ADAMTSL1: variants seen among roughly 807,000 people sequenced by gnomAD.
ADAMTSL1 encodes ADAMTS like 1, also known as ADAMTS-like protein 1.
In ADAMTSL1, 126 loss-of-function variants were observed where a neutral mutation model predicts 201.8. That is an observed-to-expected ratio of 0.62 (90% confidence interval 0.54 to 0.72). The LOEUF is 0.72. Ranked by LOEUF, ADAMTSL1 falls within the 30% of genes least tolerant of loss-of-function variation. The pLI, the probability that ADAMTSL1 is intolerant of heterozygous loss-of-function variation, is 0.00. For missense variants in ADAMTSL1, 2,679 were observed against 2,277.8 expected (o/e 1.18, Z -3.59); for synonymous variants, 1,121 against 903.4 (o/e 1.24, Z -4.32).
chr9:18,234,230 A>G (rs1249227517), intron 2 of ADAMTSL1, among the ~76,000 whole-genome samples: 1 of 152,148 alleles, frequency 6.6e-6, no homozygotes, highest in Non-Finnish European at 1.5e-5. Flanking sequence ...GGGCTGGGGA[A>G]GCCTAGGAGC....
chr9:18,314,004 T>TA (rs1491582160), intron 2 of ADAMTSL1, among the ~76,000 whole-genome samples: 4 of 151,644 alleles, frequency 2.6e-5, no homozygotes, highest in South Asian at 4.2e-4. Context: ...ATGACCCAAC[T>TA]AAAAAAAATG....
At position 18,152,701 on chromosome 9, in the gene ADAMTSL1, G is replaced by A. The variant is rs777151933; in HGVS notation, c.88-11161G>A. ...GGTGATGACTGAGGGCCAGTGGGTG[G>A]AAGACGAGCCTTGGTGAGCTTGGAG... On this transcript the variant is annotated intron_variant, in intron 1 of 29. Transcript: ENST00000680146. Among the ~76,000 whole-genome samples the A allele has an allele frequency of 3.9e-4, 59 of 152,066 alleles. No homozygotes were observed. The Middle Eastern group carries it at 0.01, about 26-fold the overall frequency.
rs754970661 is a variant in ADAMTSL1, at chr9:18,657,757, G to A, written c.946+7G>A. 13 of 1,606,482 alleles carry A rather than the reference G, an allele frequency of 8.1e-6. No homozygotes were observed. Among genetic ancestry groups the A allele is most frequent in the East Asian group, 2.2e-5 (1 of 44,838 alleles). Reference sequence around the variant, plus strand: ...TCAGCAACCTGTGGAGGAGGTAATGGTGTTCACTTAGTCTAAAAACTGTTG... The same window carrying A: ...TCAGCAACCTGTGGAGGAGGTAATGATGTTCACTTAGTCTAAAAACTGTTG... On this transcript the variant is annotated splice_region_variant and intron_variant, in intron 8 of 28. Coordinates refer to ENST00000380548, the MANE Select transcript of ADAMTSL1 (RefSeq NM_001040272.6).
intron 19 of ADAMTSL1, among the ~76,000 whole-genome samples, chr9:18,782,936 TA>T (rs1176472036): frequency 6.6e-6 from 1 of 152,134 alleles, no homozygotes; most frequent in Non-Finnish European, 1.5e-5. Context: ...GTTGTGAGGG[TA>T]ACTGGAGACC....
At chr9:18,207,842 C>T (rs1169309224) in intron 2 of ADAMTSL1, among the ~76,000 whole-genome samples, 1 of 151,794 alleles carries the variant, frequency 6.6e-6, no homozygotes, top group Non-Finnish European at 1.5e-5. Flanking sequence ...AATTATTGCA[C>T]AATTTAGTCC....
At chr9:18,814,663 T>G (rs1245015797) in intron 20 of ADAMTSL1, among the ~76,000 whole-genome samples, 1 of 152,116 alleles carries the variant, frequency 6.6e-6, no homozygotes, top group Non-Finnish European at 1.5e-5. Context: ...TGTTCTCACC[T>G]ATAACTGGGA....
intron 4 of ADAMTSL1, among the ~76,000 whole-genome samples, chr9:18,618,198 T>A (rs1200361152): frequency 6.6e-6 from 1 of 152,216 alleles, no homozygotes. Flanking sequence ...ATTTATGGTA[T>A]GTCTGTTTCT....
At chr9:18,181,533 A>C (rs1249034169) in intron 2 of ADAMTSL1, among the ~76,000 whole-genome samples, 2 of 152,046 alleles carry the variant, frequency 1.3e-5, no homozygotes, top group Admixed American at 6.6e-5. Context: ...AACACATGAA[A>C]AAATGCTCAC....
chr9:18,561,668 T>A (rs938064978), intron 3 of ADAMTSL1, among the ~76,000 whole-genome samples: 3 of 152,230 alleles, frequency 2.0e-5, no homozygotes, highest in African/African-American at 7.2e-5. Context: ...ATTCTAAGTC[T>A]CTTTTAGGTC....
intron 2 of ADAMTSL1, among the ~76,000 whole-genome samples, chr9:18,455,972 A>C (rs546398338): frequency 6.6e-6 from 1 of 152,176 alleles, no homozygotes; most frequent in African/African-American, 2.4e-5. Context: ...CTCTGACTAA[A>C]AGCCCTCCCA....
chr9:18,279,052 T>C (rs573435724), intron 2 of ADAMTSL1, among the ~76,000 whole-genome samples: 2 of 152,322 alleles, frequency 1.3e-5, no homozygotes, highest in South Asian at 4.1e-4. Context: ...TTGAATGTCT[T>C]CTTTTGTTTA....
chr9:18,307,051 A>G (rs1297768031), intron 2 of ADAMTSL1, among the ~76,000 whole-genome samples: 2 of 152,178 alleles, frequency 1.3e-5, no homozygotes, highest in Non-Finnish European at 2.9e-5. Flanking sequence ...AACATTCGTA[A>G]AGAAAAGAAT....
intron 2 of ADAMTSL1, among the ~76,000 whole-genome samples, chr9:18,330,969 G>A (rs748771027): frequency 6.6e-6 from 1 of 152,220 alleles, no homozygotes; most frequent in Non-Finnish European, 1.5e-5. Flanking sequence ...AGGAAGAGAA[G>A]TGAAGATAAA....
intron 3 of ADAMTSL1, among the ~76,000 whole-genome samples, chr9:18,538,485 G>A (rs1001068197): frequency 3.9e-5 from 6 of 152,040 alleles, no homozygotes; most frequent in African/African-American, 1.4e-4. Flanking sequence ...TTCTTAAGAA[G>A]TATCATATCT....
intron 1 of ADAMTSL1, among the ~76,000 whole-genome samples, chr9:18,013,881 A>G (rs537445071): frequency 2.6e-5 from 4 of 152,104 alleles, no homozygotes; most frequent in African/African-American, 9.6e-5. Context: ...TTCCATATAA[A>G]AAGTGGTTAA....
chr9:18,068,551 G>T (rs1424491764), intron 1 of ADAMTSL1, among the ~76,000 whole-genome samples: 1 of 152,004 alleles, frequency 6.6e-6, no homozygotes, highest in Non-Finnish European at 1.5e-5. Context: ...ATGAACAAAT[G>T]CACCTCAAAA....
intron 1 of ADAMTSL1, among the ~76,000 whole-genome samples, chr9:18,482,259 A>G (rs189811304): frequency 1.3e-5 from 2 of 152,190 alleles, no homozygotes; most frequent in Non-Finnish European, 2.9e-5. Flanking sequence ...GCCGGACTCT[A>G]ATAGTTTCAC....
chr9:18,375,397 G>A (rs1837244057), intron 2 of ADAMTSL1, among the ~76,000 whole-genome samples: 1 of 152,110 alleles, frequency 6.6e-6, no homozygotes, highest in Non-Finnish European at 1.5e-5. Context: ...ACAACGTTCA[G>A]GTTTTTGGGC....
intron 1 of ADAMTSL1, among the ~76,000 whole-genome samples, chr9:17,940,713 A>C (rs1305996846): frequency 7.2e-5 from 1 of 13,810 alleles, no homozygotes; most frequent in Non-Finnish European, 1.4e-4. Flanking sequence ...CATAACGTGC[A>C]AAAAAAAAAA....
Sources: gnomAD v4.1 joint callset for allele counts (sites outside exome capture counted in the v4.1 genomes callset) on GRCh38, gnomAD v4.1.1 for gene constraint, MANE v1.5 for transcripts, NCBI Gene and HGNC (gene_info 2026-07-23, HGNC 2026-07-21) for gene names.